The following GALNT3 variants were observed in gnomAD, a reference collection of about 807,000 sequenced individuals.
The protein encoded by GALNT3 is polypeptide N-acetylgalactosaminyltransferase 3.
In GALNT3, 51 loss-of-function variants were observed where a neutral mutation model predicts 69.8. That is an observed-to-expected ratio of 0.73 (90% CI 0.58 to 0.92). GALNT3 has a LOEUF of 0.92. Ranked by LOEUF, GALNT3 falls within the 40% of genes least tolerant of loss-of-function variation. The pLI is 0.00. For synonymous variants in GALNT3, 265 were observed against 248.5 expected, an observed-to-expected ratio of 1.07 and a Z score of -0.63; for missense variants, 711 against 760.0, an observed-to-expected ratio of 0.94 and a Z score of 0.76.
At chr2:165,780,640 G>GT (rs1413122574) in intron 1 of GALNT3, among the ~76,000 whole-genome samples, 4 of 149,574 alleles carry the variant, frequency 2.7e-5, no homozygotes, top group African/African-American at 7.4e-5. Context: ...AGGTTTGAGG[G>GT]GTTTTTTTGT....
At chr2:165,786,861 T>C (rs893097910) in intron 1 of GALNT3, among the ~76,000 whole-genome samples, 13 of 152,202 alleles carry the variant, frequency 8.5e-5, no homozygotes, top group South Asian at 2.1e-4. Flanking sequence ...GAAGACTAAA[T>C]AAGTAAACTC....
At chr2:165,781,530 G>A (rs1683111898) in intron 1 of GALNT3, among the ~76,000 whole-genome samples, 1 of 151,706 alleles carries the variant, frequency 6.6e-6, no homozygotes, top group African/African-American at 2.4e-5. Flanking sequence ...CCAGGAGGCA[G>A]AGGTTGCAGT....
At chr2:165,764,635 T>C (rs1688606589) in intron 3 of GALNT3, among the ~76,000 whole-genome samples, 1 of 152,242 alleles carries the variant, frequency 6.6e-6, no homozygotes, top group Non-Finnish European at 1.5e-5. Context: ...TCTTAACCTC[T>C]ATGCCTTACT....
chr2:165,770,216 C>T lies in GALNT3; in HGVS notation c.485G>A (p.Arg162Gln), dbSNP rs766717305. Reference protein sequence around the residue: ...AFASDRISLHRDLGPDTRPPE... With the variant: ...AFASDRISLHQDLGPDTRPPE... Reference sequence around the variant, plus strand: ...AGGTCGAGTGTCTGGTCCAAGATCTCGGTGCAAAGAAATCCTGTCACTTGC... The same window carrying T: ...AGGTCGAGTGTCTGGTCCAAGATCTTGGTGCAAAGAAATCCTGTCACTTGC... Residue 162 changes from arginine to glutamine, a missense_variant, in exon 2 of 11, where the codon CGA (arginine) becomes CAA (glutamine). Transcript: ENST00000392701. 21 of 1,613,978 alleles carry T rather than the reference C, an allele frequency of 1.3e-5. No individual in the cohort carries two copies. The highest frequency in any genetic ancestry group is 1.6e-4 in the Middle Eastern group (1 of 6,084).
intron 1 of GALNT3, among the ~76,000 whole-genome samples, chr2:165,787,315 A>C (rs376258869): frequency 6.6e-6 from 1 of 152,380 alleles, no homozygotes; most frequent in South Asian, 2.1e-4. Context: ...GGAACAGAGC[A>C]ATATAAAAAG....
At chr2:165,762,255 A>C (rs1486758438) in intron 3 of GALNT3, among the ~76,000 whole-genome samples, 1 of 151,912 alleles carries the variant, frequency 6.6e-6, no homozygotes, top group Non-Finnish European at 1.5e-5. Context: ...TCACTACTGT[A>C]ACACAAAACA....
Position 165,770,561 on chromosome 2 carries a change from T to A in GALNT3, c.140A>T (p.Lys47Ile). ...MQREVSVQYS[K>I]EESRMERNMK... Reference sequence around the variant, plus strand: ...GTTCCTTTCCATCCTTGATTCCTCTTTGGAATATTGAACACTTACTTCTCT... The same window carrying A: ...GTTCCTTTCCATCCTTGATTCCTCTATGGAATATTGAACACTTACTTCTCT... Residue 47 changes from lysine to isoleucine, a missense_variant, in exon 2 of 11, where the codon AAA becomes ATA. Physicochemically the swap from Lys to Ile is moderately radical, Grantham distance 102 (BLOSUM62 -3). Coordinates refer to ENST00000392701, the MANE Select transcript of GALNT3 (RefSeq NM_004482.4). 2.5e-6 allele frequency: 4 copies of A among 1,613,766 alleles called. No individual in the cohort carries two copies. The highest frequency in any genetic ancestry group is 3.4e-6 in the Non-Finnish European group (4 of 1,179,838).
intron 9 of GALNT3, among the ~76,000 whole-genome samples, chr2:165,753,149 T>C (rs1688383116): frequency 6.6e-6 from 1 of 152,172 alleles, no homozygotes; most frequent in African/African-American, 2.4e-5. Flanking sequence ...GGAAGAAATA[T>C]AGAAGAGGAT....
At chr2:165,768,865 C>T (rs1467758872) in intron 2 of GALNT3, among the ~76,000 whole-genome samples, 6 of 150,664 alleles carry the variant, frequency 4.0e-5, no homozygotes, top group East Asian at 2.0e-4. Flanking sequence ...CACAGATCTC[C>T]GCTCACTTCA....
At chr2:165,768,021 A>C (rs1282731479) in intron 2 of GALNT3, among the ~76,000 whole-genome samples, 2 of 152,000 alleles carry the variant, frequency 1.3e-5, no homozygotes, top group African/African-American at 2.4e-5. Flanking sequence ...CTACAGGCGC[A>C]CATCACCATG....
At chr2:165,758,948 T>A in intron 5 of GALNT3, 84 bp from the exon 6 acceptor site, 1 of 873,398 alleles carries the variant, frequency 1.1e-6, no homozygotes, top group Non-Finnish European at 1.9e-6. Flanking sequence ...GTTAAAAAAT[T>A]AAAGCCATAT....
At chr2:165,763,124 A>T (rs1688581924) in intron 3 of GALNT3, among the ~76,000 whole-genome samples, 4 of 152,046 alleles carry the variant, frequency 2.6e-5, no homozygotes, top group Admixed American at 2.6e-4. Flanking sequence ...ACAACTTCTT[A>T]AGCCTGTTTT....
At chr2:165,772,060 C>T (rs918904165) in intron 1 of GALNT3, among the ~76,000 whole-genome samples, 7 of 152,080 alleles carry the variant, frequency 4.6e-5, no homozygotes, top group African/African-American at 1.7e-4. Context: ...GGTTTGGTTG[C>T]TTTAAGAACT....
At chr2:165,773,667 A>T (rs970294454) in intron 1 of GALNT3, among the ~76,000 whole-genome samples, 1 of 152,150 alleles carries the variant, frequency 6.6e-6, no homozygotes, top group African/African-American at 2.4e-5. Flanking sequence ...TCTGCAGTAG[A>T]GATGAAAATT....
At chr2:165,749,086 A>G (rs752996927) in intron 10 of GALNT3, among the ~76,000 whole-genome samples, 183 bp from the exon 11 acceptor site, 32 of 152,142 alleles carry the variant, frequency 2.1e-4, no homozygotes, top group Admixed American at 3.9e-4. Flanking sequence ...CTACTCTTCA[A>G]TTAGTAAGAT....
chr2:165,766,096 G>T (rs1422175484), intron 2 of GALNT3, among the ~76,000 whole-genome samples: 1 of 152,072 alleles, frequency 6.6e-6, no homozygotes, highest in Non-Finnish European at 1.5e-5. Context: ...ATCTTTTTAT[G>T]ATGTTCATCA....
chr2:165,770,694 G>A lies in GALNT3; in HGVS notation c.7C>T (p.His3Tyr). 1 of 1,602,720 alleles carries A rather than the reference G, an allele frequency of 6.2e-7. No homozygotes were observed. The highest frequency in any genetic ancestry group is 8.5e-7 in the Non-Finnish European group (1 of 1,179,578). MA[H>Y]LKRLVKLHIK... is the part of the protein sequence containing the mutation. ...TGTAATTTTACTAGTCGCTTTAGGT[G>A]AGCCATTCTGACATTAAAAGCTTGT... The change falls in exon 2 of 11, where the codon CAC becomes TAC. Residue 3 changes from histidine (H) to tyrosine (Y), a missense_variant. Coordinates refer to ENST00000392701, the MANE Select transcript of GALNT3 (RefSeq NM_004482.4).
At chr2:165,762,361 C>T (rs1009030679) in intron 3 of GALNT3, among the ~76,000 whole-genome samples, 9 of 152,056 alleles carry the variant, frequency 5.9e-5, no homozygotes, top group Non-Finnish European at 8.8e-5. Flanking sequence ...CCTAGCCGTT[C>T]AAAAGACTCA....
At chr2:165,784,089 A>G (rs1683170979) in intron 1 of GALNT3, among the ~76,000 whole-genome samples, 1 of 152,186 alleles carries the variant, frequency 6.6e-6, no homozygotes. Context: ...TAATTCTTCT[A>G]TCAACAGCTG....
Sources: allele counts gnomAD v4.1 joint callset (sites outside exome capture counted in the v4.1 genomes callset), GRCh38; gene constraint gnomAD v4.1.1; transcripts MANE v1.5; gene names NCBI Gene and HGNC (gene_info 2026-07-23, HGNC 2026-07-21).